Variants in SV2B observed in about 807,000 individuals in gnomAD.
SV2B encodes the protein synaptic vesicle glycoprotein 2B.
In SV2B, 41 loss-of-function variants were observed where a neutral mutation model predicts 73.9. That is an observed-to-expected ratio of 0.56 (90% CI 0.43 to 0.72). The LOEUF (loss-of-function observed/expected upper bound fraction) is 0.72, where lower values mean the gene tolerates loss of function less well. Among genes scored for constraint, SV2B ranks in the 30% least tolerant of loss-of-function variants. The pLI, the probability that SV2B is intolerant of heterozygous loss-of-function variation, is 0.00. For synonymous variants in SV2B, 314 were observed against 314.2 expected, an observed-to-expected ratio of 1.00 and a Z score of 0.01; for missense variants, 764 against 857.8, an observed-to-expected ratio of 0.89 and a Z score of 1.37.
In SV2B at chr15:91,292,416, T is replaced by A. The variant is rs140913713; in HGVS notation, c.1916T>A (p.Ile639Asn). ...AATGGATTATGCAAATTTGGCGCCATCCTGGGAAACACCATCTTTGCTTCT... is the reference window on the plus strand; with the variant it reads ...AATGGATTATGCAAATTTGGCGCCAACCTGGGAAACACCATCTTTGCTTCT... ...ILNGLCKFGA[I>N]LGNTIFASFV... Residue 639 changes from isoleucine (I) to asparagine (N), a missense_variant, in exon 13 of 13, where the codon ATC becomes AAC. Coordinates refer to ENST00000394232, the MANE Select transcript of SV2B (RefSeq NM_001323032.3). 8.1e-6 allele frequency: 13 copies of A among 1,614,072 alleles called. No homozygotes were observed. The highest frequency in any genetic ancestry group is 1.1e-5 in the Non-Finnish European group (13 of 1,180,038).
At chr15:91,292,255 G>A (rs1418832412) in intron 12 of SV2B, 114 bp from the exon 13 acceptor site, 3 of 982,562 alleles carry the variant, frequency 3.1e-6, no homozygotes, top group African/African-American at 3.3e-5. Flanking sequence ...TTATATTTAG[G>A]AAAAAAAACT....
rs2041845287 is a variant in SV2B at position 91,105,068 on chromosome 15, TC to T, written c.-392+4706del. On this transcript the variant is annotated intron_variant, in intron 1 of 12. Transcript: ENST00000394232. This position sits in a 1 kb window ranked among gnomAD's most constrained non-coding sequence, Gnocchi z 5.5. ...GGTTGACCATCTAGAGATGTATGTA[TC>T]TTTAGATAATCATTCATTCACTAAA... Among the ~76,000 whole-genome samples, 5 of 152,366 alleles carry T rather than the reference TC, an allele frequency of 3.3e-5. No homozygotes were observed. The South Asian group carries it at 1.0e-3, about 32-fold the overall frequency.
chr15:91,201,499 G>A (rs1282115254), intron 1 of SV2B, among the ~76,000 whole-genome samples: 1 of 152,184 alleles, frequency 6.6e-6, no homozygotes, highest in African/African-American at 2.4e-5. Context: ...TAGCCTGGCT[G>A]TAGAATCTCT....
rs2048650427 is a variant in SV2B, at chr15:91,280,504, G to A, written c.1374-1224G>A. 6.6e-6 allele frequency among the ~76,000 whole-genome samples: 1 copy of A among 152,216 alleles called. No homozygotes were observed. The highest frequency in any genetic ancestry group is 2.1e-4 in the South Asian group (1 of 4,834). On this transcript the variant is annotated intron_variant, in intron 9 of 12. Coordinates refer to ENST00000394232, the MANE Select transcript of SV2B (RefSeq NM_001323032.3). The surrounding 1 kb of genome is among the most constrained non-coding windows in gnomAD (Gnocchi z 5.8). The stretch of plus-strand genomic sequence containing the variant: ...TATGTAAGTGAATGAATAGAAGAAT[G>A]AAAGAAAGTGTTGTAATTATTTGCA...
intron 1 of SV2B, among the ~76,000 whole-genome samples, chr15:91,198,358 A>G (rs1342447220): frequency 1.3e-5 from 2 of 152,206 alleles, no homozygotes; most frequent in Non-Finnish European, 2.9e-5. Flanking sequence ...ACCAAGGCCT[A>G]TTAAAACAAA....
In SV2B at chr15:91,294,268, CAATT is replaced by C. The variant is rs1400139087; in HGVS notation, c.*1719_*1722del. ...CGGGACATCTTTCTGTAATTTTCCT[CAATT>C]AACGGGTTGGTAGGGGTAAATCTTA... is the stretch of plus-strand genomic sequence containing the variant. On this transcript the variant is annotated 3_prime_UTR_variant, in exon 13 of 13. Coordinates refer to ENST00000394232, the MANE Select transcript of SV2B (RefSeq NM_001323032.3). The surrounding 1 kb of genome is among the most constrained non-coding windows in gnomAD (Gnocchi z 4.1). 1 of 152,194 alleles carries C rather than the reference CAATT, an allele frequency of 6.6e-6. No individual in the cohort carries two copies. Among genetic ancestry groups the C allele is most frequent in the Non-Finnish European group, 1.5e-5 (1 of 68,022 alleles). The allele number at this position is 152,194 out of a possible 1,614,324, so 9.4% of individuals were successfully genotyped here. A position where few individuals can be genotyped will look rare whatever the true frequency, so the allele number is the denominator to read the frequency against.
chr15:91,166,534 A>T (rs977125783), intron 1 of SV2B, among the ~76,000 whole-genome samples: 13 of 151,876 alleles, frequency 8.6e-5, no homozygotes, highest in Non-Finnish European at 1.0e-4. Context: ...TTGTTAAAAA[A>T]TTTTTTCAGC....
chr15:91,150,512 C>G (rs2043282401), intron 1 of SV2B, among the ~76,000 whole-genome samples: 1 of 152,198 alleles, frequency 6.6e-6, no homozygotes, highest in South Asian at 2.1e-4. Context: ...ACTTGGCTCT[C>G]TTTTGTCCTT....
At chr15:91,167,104 C>T (rs558065926) in intron 1 of SV2B, among the ~76,000 whole-genome samples, 16 of 152,074 alleles carry the variant, frequency 1.1e-4, no homozygotes, top group South Asian at 8.3e-4. Flanking sequence ...TGAGCCACCG[C>T]GCCCGGCCGT....
chr15:91,100,275 C>T lies in SV2B; in HGVS notation c.-480C>T, dbSNP rs1000787968. 12 of 152,248 alleles carry T rather than the reference C, an allele frequency of 7.9e-5. No homozygotes were observed. The highest frequency in any genetic ancestry group is 2.6e-4 in the African/African-American group (11 of 41,562). 9.4% of individuals were successfully genotyped at this position (152,248 alleles called of 1,614,324 possible). ...TGCCTCCGCCCGGATCGCCCAGCTC[C>T]GCGTTAGCCGGAGCTGCACGCGGGG... On this transcript the variant is annotated 5_prime_UTR_variant, in exon 1 of 13. Coordinates refer to ENST00000394232, the MANE Select transcript of SV2B (RefSeq NM_001323032.3). The surrounding 1 kb of genome is among the most constrained non-coding windows in gnomAD (Gnocchi z 6.4).
intron 1 of SV2B, among the ~76,000 whole-genome samples, chr15:91,164,954 T>C (rs562886963): frequency 6.6e-6 from 1 of 152,330 alleles, no homozygotes; most frequent in Non-Finnish European, 1.5e-5. Context: ...TACAAAATTA[T>C]GGGTGTTTAT....
intron 1 of SV2B, among the ~76,000 whole-genome samples, chr15:91,193,623 G>A (rs2045130261): frequency 6.6e-6 from 1 of 152,144 alleles, no homozygotes; most frequent in Non-Finnish European, 1.5e-5. Context: ...AGAAGCACAA[G>A]GACATTCTGC....
chr15:91,221,693 G>GTGCGCACACACACACACA (rs1555486428), intron 1 of SV2B, among the ~76,000 whole-genome samples: 2 of 140,158 alleles, frequency 1.4e-5, no homozygotes, highest in African/African-American at 5.6e-5. Flanking sequence ...AAGCATGTGC[G>GTGCGCACACACACACACA]CACACACACA....
chr15:91,145,174 TC>T (rs914296975), intron 1 of SV2B, among the ~76,000 whole-genome samples: 1 of 152,080 alleles, frequency 6.6e-6, no homozygotes, highest in Non-Finnish European at 1.5e-5. Flanking sequence ...GTGTGTGCTT[TC>T]CCCCTCACCC....
rs1348488003 is a variant in SV2B, at chr15:91,284,655, G to A, written c.1708+434G>A. Among the ~76,000 whole-genome samples, 2 of 152,212 alleles carry A rather than the reference G, an allele frequency of 1.3e-5. No homozygotes were observed. The highest frequency in any genetic ancestry group is 4.8e-5 in the African/African-American group (2 of 41,462). On this transcript the variant is annotated intron_variant, in intron 11 of 12. Transcript: ENST00000394232. This position sits in a 1 kb window ranked among gnomAD's most constrained non-coding sequence, Gnocchi z 4.5. ...ACTTTAGGCTTTGGAGTTGGACAGAGTCATGTTGAAATCCTATCACCGAAA... is the reference window on the plus strand; with the variant it reads ...ACTTTAGGCTTTGGAGTTGGACAGAATCATGTTGAAATCCTATCACCGAAA...
rs974588846 is a variant in SV2B at position 91,288,199 on chromosome 15, C to A, written c.1709-1322C>A. On this transcript the variant is annotated intron_variant, in intron 11 of 12. Coordinates refer to ENST00000394232, the MANE Select transcript of SV2B (RefSeq NM_001323032.3). The surrounding 1 kb of genome is among the most constrained non-coding windows in gnomAD (Gnocchi z 5.8). ...TTCTTCAGGTTTCCCTTCAATAGCC[C>A]ATGTACAGGTGTGTTCTCACCAGGT... Among the ~76,000 whole-genome samples, 1 of 152,076 alleles carries A rather than the reference C, an allele frequency of 6.6e-6. No homozygotes were observed. Among genetic ancestry groups the A allele is most frequent in the Admixed American group, 6.5e-5 (1 of 15,284 alleles).
intron 1 of SV2B, among the ~76,000 whole-genome samples, chr15:91,172,034 TTAAGTG>T: frequency 6.6e-6 from 1 of 152,152 alleles, no homozygotes; most frequent in Middle Eastern, 3.4e-3. Context: ...GTGGTGGGGG[TTAAGTG>T]TATGTGTACA....
chr15:91,101,639 G>A (rs1037792994), intron 1 of SV2B, among the ~76,000 whole-genome samples: 1 of 152,112 alleles, frequency 6.6e-6, no homozygotes, highest in Non-Finnish European at 1.5e-5. Context: ...TAAAAATGAA[G>A]CCCTCATGGA....
Position 91,268,942 on chromosome 15 carries a change from C to T in SV2B, c.1373+337C>T, listed in dbSNP as rs745617129. On this transcript the variant is annotated intron_variant, in intron 9 of 12. Transcript: ENST00000394232. The surrounding 1 kb of genome is among the most constrained non-coding windows in gnomAD (Gnocchi z 4.4). ...GAGAAAGGGCCTAGGGCTCTTACTG[C>T]TGAGATTCCCGAACTAGTCCAAAGC... 6.6e-6 allele frequency among the ~76,000 whole-genome samples: 1 copy of T among 152,184 alleles called. No homozygotes were observed. The highest frequency in any genetic ancestry group is 1.5e-5 in the Non-Finnish European group (1 of 68,032).
Sources: allele counts gnomAD v4.1 joint callset (sites outside exome capture counted in the v4.1 genomes callset), GRCh38; gene constraint gnomAD v4.1.1; non-coding constraint Gnocchi (gnomAD v3.1); transcripts MANE v1.5; gene names NCBI Gene and HGNC (gene_info 2026-07-23, HGNC 2026-07-21).